Variants in STX5 observed in about 807,000 individuals in gnomAD.
STX5 encodes syntaxin-5.
Under a neutral mutation model 42.9 loss-of-function variants are expected in STX5, and 15 were observed. That is an observed-to-expected ratio of 0.35 (90% confidence interval 0.23 to 0.54). The LOEUF (loss-of-function observed/expected upper bound fraction) is 0.54, where lower values mean the gene tolerates loss of function less well. STX5 is among the 20% of genes least tolerant of loss of function. STX5 has a pLI of 0.91. For missense variants in STX5, 430 were observed against 455.0 expected, an observed-to-expected ratio of 0.95 and a Z score of 0.50; for synonymous variants, 184 against 173.2, an observed-to-expected ratio of 1.06 and a Z score of -0.49.
At chr11:62,810,158 T>C (rs189568880) in intron 10 of STX5, among the ~76,000 whole-genome samples, 132 of 149,666 alleles carry the variant, frequency 8.8e-4, no homozygotes, top group African/African-American at 3.2e-3. Flanking sequence ...ATGTTAACAA[T>C]TGGTGGCCAG....
rs1590973305 is a variant in STX5, at chr11:62,825,086, T to C, written c.629A>G (p.Gln210Arg). The change falls in exon 8 of 11, where the codon CAG (glutamine) becomes CGG (arginine). Residue 210 changes from glutamine to arginine, a missense_variant. Gln to Arg is a conservative substitution (Grantham distance 43, BLOSUM62 1). Coordinates refer to ENST00000294179, the MANE Select transcript of STX5 (RefSeq NM_003164.5). ...NLKQQRSRRE[Q>R]FSRAPVSALP... ...GGCTGACACAGGTGCCCGGGAGAACTGCTCTCTCCGGCTCCTCTGCTGCTT... is the reference window on the plus strand; with the variant it reads ...GGCTGACACAGGTGCCCGGGAGAACCGCTCTCTCCGGCTCCTCTGCTGCTT... 1 of 1,613,818 alleles carries C rather than the reference T, an allele frequency of 6.2e-7. No individual in the cohort carries two copies. The highest frequency in any genetic ancestry group is 1.7e-5 in the Admixed American group (1 of 60,020).
intron 10 of STX5, among the ~76,000 whole-genome samples, chr11:62,812,605 G>A (rs1160917958): frequency 6.6e-6 from 1 of 151,484 alleles, no homozygotes; most frequent in African/African-American, 2.4e-5. Flanking sequence ...ATTTTTTTTA[G>A]TAGAGATGGG....
chr11:62,828,585 G>A (rs985073967), intron 2 of STX5, among the ~76,000 whole-genome samples: 7 of 151,748 alleles, frequency 4.6e-5, no homozygotes, highest in African/African-American at 7.3e-5. Flanking sequence ...ATTTAGCCAG[G>A]TGTGGTGGCA....
intron 1 of STX5, 44 bp downstream of exon 1, chr11:62,831,910 A>G (rs2084874474): frequency 2.2e-6 from 1 of 450,594 alleles, no homozygotes; most frequent in Non-Finnish European, 4.4e-6. Context: ...CCACTGCCCC[A>G]GAGCTGACAC....
At chr11:62,816,620 C>T (rs1426909008) in intron 10 of STX5, among the ~76,000 whole-genome samples, 1 of 151,646 alleles carries the variant, frequency 6.6e-6, no homozygotes, top group Non-Finnish European at 1.5e-5. Context: ...GAATAACTTC[C>T]TCCTATCAGC....
chr11:62,809,378 G>A (rs1342647652), intron 10 of STX5, among the ~76,000 whole-genome samples: 1 of 146,596 alleles, frequency 6.8e-6, no homozygotes, highest in Non-Finnish European at 1.5e-5. Flanking sequence ...TTCTTAGTTT[G>A]AAAATGACAT....
chr11:62,819,262 T>TAA (rs2084712293), intron 10 of STX5, among the ~76,000 whole-genome samples: 1 of 73,910 alleles, frequency 1.4e-5, no homozygotes, highest in Non-Finnish European at 2.6e-5. Context: ...AAAAAGAAGG[T>TAA]GAAAAAAGTT....
intron 10 of STX5, among the ~76,000 whole-genome samples, chr11:62,817,766 G>GA (rs2084691207): frequency 6.6e-6 from 1 of 151,982 alleles, no homozygotes. Flanking sequence ...ATTTGAAACT[G>GA]AAAATTATCT....
chr11:62,829,427 A>AAAATAAATAAATAAAT (rs56250621), intron 2 of STX5, among the ~76,000 whole-genome samples: 53 of 148,894 alleles, frequency 3.6e-4, no homozygotes, highest in East Asian at 3.4e-3. Flanking sequence ...TCCCATCTCA[A>AAAATAAATAAATAAAT]AAATAAATAA....
intron 10 of STX5, among the ~76,000 whole-genome samples, chr11:62,812,639 G>T (rs894697923): frequency 8.6e-5 from 13 of 150,850 alleles, no homozygotes; most frequent in South Asian, 4.2e-4. Context: ...AGCCAGGATG[G>T]TCTCGATCTC....
At chr11:62,808,472 C>T (rs2084578639) in intron 10 of STX5, among the ~76,000 whole-genome samples, 1 of 150,772 alleles carries the variant, frequency 6.6e-6, no homozygotes. Context: ...GGTATATGGA[C>T]CCTAGTTTTG....
intron 2 of STX5, among the ~76,000 whole-genome samples, chr11:62,827,845 T>C (rs979943682): frequency 6.6e-6 from 1 of 152,046 alleles, no homozygotes; most frequent in East Asian, 1.9e-4. Flanking sequence ...AGCTGGTGGA[T>C]TTGGGGCGAG....
rs1366310713 is a variant in STX5 at position 62,824,227 on chromosome 11, A to G, written c.847T>C (p.Leu283=). The stretch of plus-strand genomic sequence containing the variant: ...GCCAACTGCTGAAAGATGGAGCCCA[A>G]CTCAACAATTGTCGACTCAATGTTC... The part of the protein sequence containing the change: ...MQNIESTIVE[L]GSIFQQLAHM... The change falls in exon 10 of 11, where the codon TTG becomes CTG. Residue 283 remains leucine (L), a synonymous_variant. Coordinates refer to ENST00000294179, the MANE Select transcript of STX5 (RefSeq NM_003164.5). 1 of 1,614,146 alleles carries G rather than the reference A, an allele frequency of 6.2e-7. No individual in the cohort carries two copies. Among genetic ancestry groups the G allele is most frequent in the Admixed American group, 1.7e-5 (1 of 59,998 alleles).
intron 5 of STX5, 71 bp from the exon 6 acceptor site, chr11:62,825,610 C>A: frequency 7.3e-7 from 1 of 1,363,714 alleles, no homozygotes; most frequent in South Asian, 1.2e-5. Context: ...TCACGATGGC[C>A]ATCTCTGGTA....
intron 2 of STX5, among the ~76,000 whole-genome samples, chr11:62,829,733 C>A (rs1349152129): frequency 6.6e-6 from 1 of 151,768 alleles, no homozygotes; most frequent in African/African-American, 2.4e-5. Context: ...CCATTGTACT[C>A]CAGCCTTGGT....
chr11:62,810,633 G>A (rs534714103), intron 10 of STX5, among the ~76,000 whole-genome samples: 50 of 152,264 alleles, frequency 3.3e-4, no homozygotes, highest in African/African-American at 1.2e-3. Flanking sequence ...ATCACCTGTT[G>A]AATTCTCAAA....
intron 10 of STX5, among the ~76,000 whole-genome samples, chr11:62,820,954 A>G (rs2084734134): frequency 6.6e-6 from 1 of 152,012 alleles, no homozygotes; most frequent in African/African-American, 2.4e-5. Context: ...GTTTTATTTC[A>G]ATGGTTGCTC....
chr11:62,822,700 G>A (rs1294071506), intron 10 of STX5, among the ~76,000 whole-genome samples: 3 of 105,848 alleles, frequency 2.8e-5, no homozygotes, highest in Admixed American at 2.7e-4. Flanking sequence ...TGGCATTTAC[G>A]ACCTTTTTTT....
rs2084768178 is a variant in STX5 at position 62,824,147 on chromosome 11, GC to G, written c.908+18del. On this transcript the variant is annotated intron_variant, in intron 10 of 10. Coordinates refer to ENST00000294179, the MANE Select transcript of STX5 (RefSeq NM_003164.5). ...GGAAGAGAAAGCTCCTCTGTTTGGG[GC>G]GAGAGAGTGTATCTCACCTCTGAAT... 9.9e-6 allele frequency: 16 copies of G among 1,614,150 alleles called. No homozygotes were observed. In the East Asian group the frequency reaches 3.6e-4, roughly 36 times the overall value.
Sources: allele counts gnomAD v4.1 joint callset (sites outside exome capture counted in the v4.1 genomes callset), GRCh38; gene constraint gnomAD v4.1.1; transcripts MANE v1.5; gene names NCBI Gene and HGNC (gene_info 2026-07-23, HGNC 2026-07-21).